CPED1: variants seen among roughly 807,000 people sequenced by gnomAD.
The protein encoded by CPED1 is cadherin-like and PC-esterase domain-containing protein 1.
In CPED1, 114 loss-of-function variants were observed where a neutral mutation model predicts 128.2. The observed-to-expected ratio is 0.89, with a 90% CI of 0.76 to 1.04. The LOEUF is 1.04. Among genes scored for constraint, CPED1 ranks in the 50% least tolerant of loss-of-function variants. The pLI, the probability that CPED1 is intolerant of heterozygous loss-of-function variation, is 0.00. For missense variants in CPED1, 1,211 were observed against 1,207.1 expected (o/e 1.00, Z -0.05); for synonymous variants, 462 against 426.7 (o/e 1.08, Z -1.02).
intron 5 of CPED1, among the ~76,000 whole-genome samples, chr7:121,065,394 AAG>A (rs1159624901): frequency 3.9e-5 from 6 of 152,152 alleles, no homozygotes; most frequent in African/African-American, 1.4e-4. Context: ...CATATGAAAA[AAG>A]TAATGTTTTG....
At chr7:121,126,706 C>T (rs1459260501) in intron 9 of CPED1, among the ~76,000 whole-genome samples, 1 of 151,986 alleles carries the variant, frequency 6.6e-6, no homozygotes, top group African/African-American at 2.4e-5. Context: ...AATTAACTGA[C>T]ACTTTTAAAT....
chr7:121,032,076 A>C (rs1160862320), intron 3 of CPED1, among the ~76,000 whole-genome samples: 1 of 152,188 alleles, frequency 6.6e-6, no homozygotes, highest in Non-Finnish European at 1.5e-5. Context: ...TTGGGAAAGC[A>C]ATCTGGAAAT....
chr7:120,990,978 G>T (rs1322866492), intron 2 of CPED1, among the ~76,000 whole-genome samples: 1 of 152,226 alleles, frequency 6.6e-6, no homozygotes, highest in East Asian at 1.9e-4. Flanking sequence ...GCCTGACAGT[G>T]CCATTTAGGT....
Position 121,097,740 on chromosome 7 carries a change from GGAATGCAATTAAAGCCGA to G in CPED1, c.660_677del (p.Met221_Ser226del). On this transcript the variant is annotated inframe_deletion, in exon 6 of 23. Transcript: ENST00000310396. Reference sequence around the variant, plus strand: ...GAGTCCCTCTGTGTGTCTGGATCAGGGAATGCAATTAAAGCCGAGTACTTCGAGTCACCTTTTAAAAAC... The same window carrying G: ...GAGTCCCTCTGTGTGTCTGGATCAGGGTACTTCGAGTCACCTTTTAAAAAC... 6.2e-7 allele frequency: 1 copy of G among 1,613,812 alleles called. No homozygotes were observed. The highest frequency in any genetic ancestry group is 8.5e-7 in the Non-Finnish European group (1 of 1,179,818).
intron 3 of CPED1, among the ~76,000 whole-genome samples, chr7:121,019,947 C>A (rs532382040): frequency 1.3e-5 from 2 of 152,036 alleles, no homozygotes; most frequent in African/African-American, 4.8e-5. Context: ...TAATCCTACT[C>A]CAGTGGTAAA....
Position 121,026,827 on chromosome 7 carries a change from C to CTTTT in CPED1, c.433+10999_433+11002dup, listed in dbSNP as rs71170219. The stretch of plus-strand genomic sequence containing the variant: ...TTCCTAGAGCTCCCTCCTGTCAGTT[C>CTTTT]TTTTTTTTTTTTTTTTTTTTTTTGA... On this transcript the variant is annotated intron_variant, in intron 3 of 22. Coordinates refer to ENST00000310396, the MANE Select transcript of CPED1 (RefSeq NM_024913.5). Among the ~76,000 whole-genome samples, 295 of 83,412 alleles carry CTTTT rather than the reference C, an allele frequency of 3.5e-3. 3 individuals are homozygous for CTTTT. The highest frequency in any genetic ancestry group is 0.016 in the East Asian group (41 of 2,598). 54.7% of individuals were successfully genotyped at this position (83,412 alleles called of 152,430 possible).
chr7:121,231,442 G>A (rs1369459914), intron 16 of CPED1, among the ~76,000 whole-genome samples: 1 of 152,092 alleles, frequency 6.6e-6, no homozygotes, highest in Non-Finnish European at 1.5e-5. Context: ...GGAGCTTAAG[G>A]AGAATGATGA....
At chr7:121,259,605 C>G (rs1335359045) in intron 18 of CPED1, among the ~76,000 whole-genome samples, 1 of 151,898 alleles carries the variant, frequency 6.6e-6, no homozygotes, top group Non-Finnish European at 1.5e-5. Flanking sequence ...GAATGGAACA[C>G]ATAGAAATTA....
At chr7:121,063,972 T>C (rs1793756171) in intron 4 of CPED1, among the ~76,000 whole-genome samples, 1 of 152,198 alleles carries the variant, frequency 6.6e-6, no homozygotes, top group Non-Finnish European at 1.5e-5. Flanking sequence ...GCAAATATCA[T>C]GGCTTCAAAA....
At chr7:121,001,637 A>G (rs1210599430) in intron 2 of CPED1, among the ~76,000 whole-genome samples, 1 of 152,182 alleles carries the variant, frequency 6.6e-6, no homozygotes. Context: ...CCACCAGAAC[A>G]AACTGTTAAA....
intron 3 of CPED1, among the ~76,000 whole-genome samples, chr7:121,027,619 C>G (rs1256195126): frequency 6.6e-6 from 1 of 151,948 alleles, no homozygotes; most frequent in Non-Finnish European, 1.5e-5. Context: ...AACTGAGGAA[C>G]AGAACTCACA....
In CPED1 at chr7:121,014,289, A is replaced by G. The variant is rs181967098; in HGVS notation, c.250-1376A>G. ...AGAATTGGGCCGGGTGCGGTGGCTC[A>G]CGCCTGTAATCCCAGCACTTCGGGA... is the stretch of plus-strand genomic sequence containing the variant. On this transcript the variant is annotated intron_variant, in intron 2 of 22. Transcript: ENST00000310396. 2.0e-5 allele frequency among the ~76,000 whole-genome samples: 3 copies of G among 152,312 alleles called. No individual in the cohort carries two copies. The East Asian group carries it at 5.8e-4, about 29-fold the overall frequency.
rs1349487610 is a variant in CPED1, at chr7:121,295,520, C to T, written c.2949C>T (p.Phe983=). 9.9e-6 allele frequency: 16 copies of T among 1,614,016 alleles called. 1 individual carries two copies. The highest frequency in any genetic ancestry group is 1.4e-5 in the Non-Finnish European group (16 of 1,179,892). The change falls in exon 23 of 23, where the codon TTC becomes TTT. Residue 983 remains phenylalanine (F), a synonymous_variant. Transcript: ENST00000310396. ...GAAATCATATCATGGGAAGATATTTCAGCAATCAAAGCAAACTACAACAAG... is the reference window on the plus strand; with the variant it reads ...GAAATCATATCATGGGAAGATATTTTAGCAATCAAAGCAAACTACAACAAG... ...RSRNHIMGRY[F]SNQSKLQQGT...
At chr7:121,227,366 A>C (rs956920463) in intron 16 of CPED1, among the ~76,000 whole-genome samples, 1 of 152,094 alleles carries the variant, frequency 6.6e-6, no homozygotes, top group Non-Finnish European at 1.5e-5. Context: ...CTAGAAACAG[A>C]AAGATTGTAA....
intron 16 of CPED1, among the ~76,000 whole-genome samples, chr7:121,156,558 A>G (rs1264195020): frequency 1.3e-5 from 2 of 152,224 alleles, no homozygotes; most frequent in East Asian, 3.8e-4. Flanking sequence ...ACTGGAGGCC[A>G]TTATATTAAG....
At chr7:121,049,198 A>T (rs1353750117) in intron 4 of CPED1, among the ~76,000 whole-genome samples, 1 of 152,194 alleles carries the variant, frequency 6.6e-6, no homozygotes, top group Non-Finnish European at 1.5e-5. Flanking sequence ...TTTGGCAGGG[A>T]AAAAGAAACT....
intron 16 of CPED1, among the ~76,000 whole-genome samples, chr7:121,143,710 A>T (rs1584544478): frequency 6.6e-6 from 1 of 152,086 alleles, no homozygotes; most frequent in East Asian, 1.9e-4. Flanking sequence ...TTTTTCATAC[A>T]TTGCTGGGAG....
intron 16 of CPED1, among the ~76,000 whole-genome samples, chr7:121,229,737 C>T (rs1798095598): frequency 6.6e-6 from 1 of 152,000 alleles, no homozygotes; most frequent in Non-Finnish European, 1.5e-5. Context: ...AATATTTGTG[C>T]ATCTTATACT....
chr7:121,064,162 G>GT (rs1405281793), intron 4 of CPED1, 76 bp from the exon 5 acceptor site: 4 of 971,130 alleles, frequency 4.1e-6, no homozygotes, highest in African/African-American at 1.6e-5. Flanking sequence ...TACTCTCTGG[G>GT]TTTTTTGTGT....
Sources: allele counts gnomAD v4.1 joint callset (sites outside exome capture counted in the v4.1 genomes callset), GRCh38; gene constraint gnomAD v4.1.1; transcripts MANE v1.5; gene names NCBI Gene and HGNC (gene_info 2026-07-23, HGNC 2026-07-21).